NAV3: variants seen among roughly 807,000 people sequenced by gnomAD.
NAV3 encodes the protein neuron navigator 3, also known as pore membrane and/or filament interacting like protein 1.
Under a neutral mutation model 244.7 loss-of-function variants are expected in NAV3, and 87 were observed. That is an observed-to-expected ratio of 0.36 (90% CI 0.30 to 0.42). NAV3 has a LOEUF of 0.42. Ranked by LOEUF, NAV3 falls within the 20% of genes least tolerant of loss-of-function variation. NAV3 has a pLI of 1.00. For synonymous variants in NAV3, 1,126 were observed against 1,042.2 expected, an observed-to-expected ratio of 1.08 and a Z score of -1.55; for missense variants, 2,663 against 2,893.3, an observed-to-expected ratio of 0.92 and a Z score of 1.83.
At chr12:77,928,167 G>A (rs1482253460) in intron 1 of NAV3, among the ~76,000 whole-genome samples, 1 of 147,202 alleles carries the variant, frequency 6.8e-6, no homozygotes, top group South Asian at 2.2e-4. Flanking sequence ...AGGTTGTAGT[G>A]AGCCGAGACT....
intron 2 of NAV3, among the ~76,000 whole-genome samples, chr12:77,584,060 A>G (rs1869490017): frequency 6.6e-6 from 1 of 152,156 alleles, no homozygotes; most frequent in Non-Finnish European, 1.5e-5. Context: ...AATTTCCTCA[A>G]GAAAGTGCTT....
At chr12:77,901,581 G>C (rs917054628) in intron 1 of NAV3, among the ~76,000 whole-genome samples, 13 of 152,062 alleles carry the variant, frequency 8.5e-5, no homozygotes, top group Non-Finnish European at 1.8e-4. Context: ...GTGGTGACAG[G>C]TGCCTGTAAT....
intron 1 of NAV3, among the ~76,000 whole-genome samples, chr12:77,918,120 C>A (rs1328008117): frequency 6.6e-6 from 1 of 152,064 alleles, no homozygotes; most frequent in Non-Finnish European, 1.5e-5. Context: ...ATTTTGGCGT[C>A]TTTCCTTCCA....
chr12:77,879,087 G>C (rs1290973159), intron 1 of NAV3, among the ~76,000 whole-genome samples: 1 of 152,054 alleles, frequency 6.6e-6, no homozygotes, highest in Non-Finnish European at 1.5e-5. Context: ...CCACAGTGGA[G>C]GTTTGTAGCC....
intron 1 of NAV3, among the ~76,000 whole-genome samples, chr12:77,843,421 T>TGTGTGTG (rs1565848072): frequency 6.7e-6 from 1 of 148,490 alleles, no homozygotes; most frequent in African/African-American, 2.5e-5. Context: ...GTGTGTGTGT[T>TGTGTGTG]TGTGTGTGTA....
At chr12:77,939,687 C>T (rs565665585) in intron 1 of NAV3, among the ~76,000 whole-genome samples, 8 of 152,150 alleles carry the variant, frequency 5.3e-5, no homozygotes, top group African/African-American at 1.7e-4. Context: ...CAATTTTGTG[C>T]CTTATAATCC....
intron 2 of NAV3, among the ~76,000 whole-genome samples, chr12:77,688,853 TG>T (rs1385577087): frequency 2.1e-4 from 32 of 151,926 alleles, no homozygotes; most frequent in Non-Finnish European, 4.4e-5. Flanking sequence ...CTCTGAACAG[TG>T]TGCCGCATGA....
intron 26 of NAV3, 129 bp from the exon 27 acceptor site, chr12:78,177,012 T>G (rs913986618): frequency 1.2e-6 from 1 of 808,036 alleles, no homozygotes; most frequent in Admixed American, 2.5e-5. Context: ...TGTGCTGCAA[T>G]TGTTAATACT....
rs1422419632 is a variant in NAV3 at position 78,149,112 on chromosome 12, A to T, written c.4785+193A>T. Among the ~76,000 whole-genome samples, 7 of 152,112 alleles carry T rather than the reference A, an allele frequency of 4.6e-5. No homozygotes were observed. The East Asian group carries it at 1.3e-3, about 29-fold the overall frequency. ...AAATCCAAACTGATGAGAGGCAGCA[A>T]TATGGTTAAAATGGCTTGTTGTTTC... On this transcript the variant is annotated intron_variant, in intron 22 of 39. Transcript: ENST00000397909.
At chr12:78,053,394 G>A (rs993957877) in intron 11 of NAV3, among the ~76,000 whole-genome samples, 11 of 151,912 alleles carry the variant, frequency 7.2e-5, no homozygotes, top group African/African-American at 2.7e-4. Flanking sequence ...TATAGGTTTT[G>A]GTTCCTGTGA....
At chr12:78,010,520 C>A (rs1189497183) in intron 8 of NAV3, among the ~76,000 whole-genome samples, 1 of 151,972 alleles carries the variant, frequency 6.6e-6, no homozygotes, top group Non-Finnish European at 1.5e-5. Context: ...AATGAAGAAG[C>A]AGAGATATTA....
rs182187485 is a variant in NAV3, at chr12:77,650,576, C to A, written c.72+78310C>A. 5.3e-5 allele frequency among the ~76,000 whole-genome samples: 8 copies of A among 152,262 alleles called. No homozygotes were observed. In the East Asian group the frequency reaches 1.5e-3, roughly 29 times the overall value. ...ATCTGATGCAGAAAAGAATATTTTA[C>A]ATGTATTATGAACCATTATACTATT... is the stretch of plus-strand genomic sequence containing the variant. On this transcript the variant is annotated intron_variant, in intron 2 of 8. Transcript: ENST00000550042.
chr12:77,601,476 T>G (rs1344906363), intron 2 of NAV3, among the ~76,000 whole-genome samples: 2 of 151,976 alleles, frequency 1.3e-5, no homozygotes, highest in Non-Finnish European at 2.9e-5. Flanking sequence ...CTTGTAGGCC[T>G]CCTTGAACTT....
chr12:77,956,607 G>A (rs1891383367), intron 3 of NAV3, among the ~76,000 whole-genome samples: 3 of 152,178 alleles, frequency 2.0e-5, no homozygotes, highest in Admixed American at 6.5e-5. Flanking sequence ...ACTGCAGAAG[G>A]TAAGGACTGG....
At chr12:78,164,562 G>C (rs956214267) in intron 23 of NAV3, among the ~76,000 whole-genome samples, 8 of 152,056 alleles carry the variant, frequency 5.3e-5, no homozygotes, top group African/African-American at 1.9e-4. Flanking sequence ...GCTGGAGTCA[G>C]ATGATGCATC....
intron 1 of NAV3, among the ~76,000 whole-genome samples, chr12:77,940,001 A>G (rs1889713753): frequency 6.6e-6 from 1 of 152,158 alleles, no homozygotes; most frequent in South Asian, 2.1e-4. Context: ...AAAATGATAG[A>G]AACAATAAAG....
At chr12:77,915,526 GA>G (rs145807687) in intron 1 of NAV3, among the ~76,000 whole-genome samples, 16,741 of 149,622 alleles carry the variant, frequency 0.11, 1,070 homozygotes, top group South Asian at 0.21. Flanking sequence ...CATGTTAAAA[GA>G]AAAAAAAAGA....
intron 9 of NAV3, among the ~76,000 whole-genome samples, chr12:78,034,893 G>T (rs1879592830): frequency 6.6e-6 from 1 of 152,144 alleles, no homozygotes; most frequent in Admixed American, 6.5e-5. Flanking sequence ...TATTTGTACT[G>T]TAATTTTATT....
At chr12:77,802,753 C>A (rs1871776986) in intron 2 of NAV3, among the ~76,000 whole-genome samples, 1 of 152,086 alleles carries the variant, frequency 6.6e-6, no homozygotes, top group Admixed American at 6.5e-5. Context: ...AGCCCCGCCT[C>A]CTGGGTTCAC....
Sources: allele counts gnomAD v4.1 joint callset (sites outside exome capture counted in the v4.1 genomes callset), GRCh38; gene constraint gnomAD v4.1.1; transcripts MANE v1.5; gene names NCBI Gene and HGNC (gene_info 2026-07-23, HGNC 2026-07-21).